IFT43: variants seen among roughly 807,000 people sequenced by gnomAD.
The protein encoded by IFT43 is intraflagellar transport 43.
IFT43 carries 33 observed loss-of-function variants against 32.3 expected under a neutral mutation model. The ratio of observed to expected loss-of-function variants is 1.02; its 90% CI spans 0.77 to 1.37. IFT43 has a LOEUF of 1.37. Among genes scored for constraint, IFT43 ranks in the 40% most tolerant of loss-of-function variants. The pLI is 0.00. For missense variants in IFT43, 274 were observed against 265.9 expected (o/e 1.03, Z -0.21); for synonymous variants, 93 against 98.2 (o/e 0.95, Z 0.31).
At position 76,083,441 on chromosome 14, in the gene IFT43, G is replaced by T. The variant is rs144601537; in HGVS notation, c.508-17G>T. Reference sequence around the variant, plus strand: ...AAGGCCTTTCTTTGTCTTACCCAGCGAAACCCTTCTTGGCAGGATGATGTC... The same window carrying T: ...AAGGCCTTTCTTTGTCTTACCCAGCTAAACCCTTCTTGGCAGGATGATGTC... On this transcript the variant is annotated splice_polypyrimidine_tract_variant and intron_variant, in intron 8 of 8. Transcript: ENST00000314067. 1.6e-5 allele frequency: 26 copies of T among 1,614,110 alleles called. No homozygotes were observed. Among genetic ancestry groups the T allele is most frequent in the Non-Finnish European group, 2.1e-5 (25 of 1,180,036 alleles).
At chr14:76,023,156 A>G (rs376545071) in intron 3 of IFT43, among the ~76,000 whole-genome samples, 29 of 152,336 alleles carry the variant, frequency 1.9e-4, no homozygotes, top group African/African-American at 6.7e-4. Flanking sequence ...TCTGAGCTGG[A>G]TGATGTTGGG....
In IFT43 at chr14:76,081,612, G is replaced by A. The variant is rs181016382; in HGVS notation, c.296-683G>A. On this transcript the variant is annotated intron_variant, in intron 5 of 8. Transcript: ENST00000314067. ...TTGGACTGGTGGAAGAAATGGCCTC[G>A]TGTCTCCTCGTATGTTGTCTGGAGA... 3.8e-4 allele frequency among the ~76,000 whole-genome samples: 58 copies of A among 152,332 alleles called. No homozygotes were observed. The East Asian group carries it at 7.5e-3, about 20-fold the overall frequency.
intron 2 of IFT43, among the ~76,000 whole-genome samples, chr14:75,990,670 T>C (rs865929751): frequency 1.3e-4 from 20 of 151,968 alleles, no homozygotes; most frequent in South Asian, 8.3e-4. Flanking sequence ...GGAGGCACAG[T>C]TAGGAGAGGT....
chr14:76,011,328 A>T (rs371258077), intron 2 of IFT43, among the ~76,000 whole-genome samples: 70 of 152,172 alleles, frequency 4.6e-4, no homozygotes, highest in African/African-American at 1.7e-3. Context: ...TTTACTTATT[A>T]CTTTCTCACC....
chr14:76,066,471 G>A (rs1457025319), intron 5 of IFT43, among the ~76,000 whole-genome samples: 2 of 152,194 alleles, frequency 1.3e-5, no homozygotes, highest in African/African-American at 4.8e-5. Flanking sequence ...GTATATGAAT[G>A]TTTAGAATCC....
chr14:75,985,948 C>T (rs900904301), intron 1 of IFT43, 108 bp downstream of exon 1: 24 of 1,543,274 alleles, frequency 1.6e-5, no homozygotes, highest in Admixed American at 2.0e-5. Flanking sequence ...GGCCTCGCGC[C>T]GCGCCGGGTG....
At chr14:76,035,460 T>G (rs1167965662) in intron 3 of IFT43, among the ~76,000 whole-genome samples, 1 of 152,100 alleles carries the variant, frequency 6.6e-6, no homozygotes, top group Non-Finnish European at 1.5e-5. Flanking sequence ...TCTTTCTCTC[T>G]CTCTCTTTTT....
chr14:76,059,604 G>A, intron 5 of IFT43: 2 of 540,620 alleles, frequency 3.7e-6, no homozygotes, highest in South Asian at 2.0e-5. Context: ...GTCAGCCAAA[G>A]CATCACTTCC....
chr14:76,014,035 C>T, intron 2 of IFT43: 1 of 245,754 alleles, frequency 4.1e-6, no homozygotes, highest in South Asian at 7.8e-5. Flanking sequence ...CCAGCCCGAG[C>T]ACCCATTTCG....
intron 5 of IFT43, among the ~76,000 whole-genome samples, chr14:76,074,665 T>C (rs2037380288): frequency 6.6e-6 from 1 of 152,218 alleles, no homozygotes; most frequent in Non-Finnish European, 1.5e-5. Context: ...GGAACATTGC[T>C]GTCTAGGGGA....
At chr14:76,000,563 C>T (rs912433359) in intron 2 of IFT43, among the ~76,000 whole-genome samples, 3 of 152,172 alleles carry the variant, frequency 2.0e-5, no homozygotes, top group East Asian at 3.9e-4. Flanking sequence ...TGAGCCACTG[C>T]GTGTGGCCAT....
At chr14:76,045,502 CAG>C (rs2036789762) in intron 3 of IFT43, among the ~76,000 whole-genome samples, 2 of 152,222 alleles carry the variant, frequency 1.3e-5, no homozygotes, top group Admixed American at 1.3e-4. Context: ...ATCCCATTAA[CAG>C]AAGCTTAAAC....
At chr14:76,036,326 T>C (rs1274192074) in intron 3 of IFT43, among the ~76,000 whole-genome samples, 1 of 151,622 alleles carries the variant, frequency 6.6e-6, no homozygotes, top group Non-Finnish European at 1.5e-5. Context: ...CTTCCTTCCT[T>C]CCTTCCTTCT....
intron 3 of IFT43, among the ~76,000 whole-genome samples, chr14:76,041,466 C>A (rs1051430400): frequency 3.9e-5 from 6 of 152,232 alleles, no homozygotes; most frequent in African/African-American, 1.4e-4. Context: ...CTGTGAAATT[C>A]TAGTGTTTCT....
At chr14:76,076,458 CCCAGGGGCCAGATTGGGGTGTCT>C in intron 5 of IFT43, 1 of 1,296,360 alleles carries the variant, frequency 7.7e-7, no homozygotes. Context: ...CTGGGTGGGA[CCCAGGGGCCAGATTGGGGTGTCT>C]CCTTTGTTCT....
intron 6 of IFT43, 41 bp from the exon 7 acceptor site, chr14:76,082,576 C>A (rs1211968169): frequency 6.2e-7 from 1 of 1,613,422 alleles, no homozygotes; most frequent in Non-Finnish European, 8.5e-7. Flanking sequence ...TGGAACAGGT[C>A]CTGCCTGGGG....
intron 5 of IFT43, among the ~76,000 whole-genome samples, chr14:76,065,539 T>G (rs1179938654): frequency 6.6e-6 from 1 of 152,200 alleles, no homozygotes; most frequent in Admixed American, 6.5e-5. Flanking sequence ...ACTAATGTGT[T>G]GTTCATACTA....
chr14:76,016,728 C>T (rs2036195313), intron 2 of IFT43, among the ~76,000 whole-genome samples: 1 of 152,054 alleles, frequency 6.6e-6, no homozygotes, highest in South Asian at 2.1e-4. Flanking sequence ...CAATTTCTTT[C>T]GTTAGTGTTC....
intron 2 of IFT43, among the ~76,000 whole-genome samples, chr14:76,005,410 A>G (rs2035963112): frequency 6.6e-6 from 1 of 152,168 alleles, no homozygotes; most frequent in Admixed American, 6.5e-5. Flanking sequence ...TGTTTGTACC[A>G]AGCACCTCTA....
Sources: gnomAD v4.1 joint callset for allele counts (sites outside exome capture counted in the v4.1 genomes callset) on GRCh38, gnomAD v4.1.1 for gene constraint, MANE v1.5 for transcripts, NCBI Gene and HGNC (gene_info 2026-07-23, HGNC 2026-07-21) for gene names.